The following NAV2 variants were observed in gnomAD, a reference collection of about 807,000 sequenced individuals.
The protein encoded by NAV2 is neuron navigator 2.
A neutral mutation model predicts 223.2 loss-of-function variants in NAV2; 54 were observed. The observed-to-expected ratio is 0.24, with a 90% confidence interval of 0.19 to 0.30. The LOEUF is 0.30. NAV2 is among the 10% of genes least tolerant of loss of function. NAV2 has a pLI of 1.00. For missense variants in NAV2, 2,806 were observed against 3,147.5 expected (o/e 0.89, Z 2.60); for synonymous variants, 1,279 against 1,239.3 (o/e 1.03, Z -0.67).
chr11:20,054,064 A>T lies in NAV2; in HGVS notation c.4482-16A>T. 1 of 1,611,168 alleles carries T rather than the reference A, an allele frequency of 6.2e-7. No homozygotes were observed. The highest frequency in any genetic ancestry group is 8.5e-7 in the Non-Finnish European group (1 of 1,179,376). ...ATTGTTCATAGTTAATTCCGGCTTGATTTCTGTCTGTCCAGGTATACTCCC... is the reference window on the plus strand; with the variant it reads ...ATTGTTCATAGTTAATTCCGGCTTGTTTTCTGTCTGTCCAGGTATACTCCC... On this transcript the variant is annotated splice_polypyrimidine_tract_variant and intron_variant, in intron 17 of 37. Transcript: ENST00000349880.
rs554764088 is a variant in NAV2 at position 19,846,758 on chromosome 11, C to T, written c.438+3835C>T. Among the ~76,000 whole-genome samples the T allele has an allele frequency of 3.9e-5, 6 of 152,314 alleles. No homozygotes were observed. The East Asian group carries it at 1.2e-3, about 29-fold the overall frequency. ...ATGCTTTTCCATCAGCATTTGTAAC[C>T]CTCAGTGCCGCCCTCCTCTTGGCCC... On this transcript the variant is annotated intron_variant, in intron 3 of 37. Transcript: ENST00000349880.
rs755952166 is a variant in NAV2 at position 20,035,986 on chromosome 11, C to T, written c.2796C>T (p.Ser932=). The change falls in exon 12 of 38, where the codon AGC becomes AGT. Residue 932 remains serine, a synonymous_variant. Transcript: ENST00000349880. ...GGGACGACAGCAGCTCCGTCAGCAG[C>T]GGCATCAGCGACACCATAGACAACC... is the stretch of plus-strand genomic sequence containing the variant. ...DSWDDSSSVS[S]GISDTIDNLS... 15 of 1,614,160 alleles carry T rather than the reference C, an allele frequency of 9.3e-6. No individual in the cohort carries two copies. The highest frequency in any genetic ancestry group is 6.7e-5 in the East Asian group (3 of 44,876).
chr11:19,405,923 A>T (rs1163398525), intron 1 of NAV2, among the ~76,000 whole-genome samples: 1 of 152,212 alleles, frequency 6.6e-6, no homozygotes, highest in Non-Finnish European at 1.5e-5. Flanking sequence ...ATCGCCCATA[A>T]TTATCTTGGT....
rs2054079319 is a variant in NAV2 at position 20,017,115 on chromosome 11, G to A, written c.2769-18844G>A. On this transcript the variant is annotated intron_variant, in intron 11 of 37. Coordinates refer to ENST00000349880, the MANE Select transcript of NAV2 (RefSeq NM_145117.5). ...TTCCCAGAAAAGAATAGAGGAAGTG[G>A]AAAAGGAATGGGGGAGATGCAGAGG... Among the ~76,000 whole-genome samples the A allele has an allele frequency of 7.9e-5, 12 of 152,282 alleles. No individual in the cohort carries two copies. In the South Asian group the frequency reaches 2.5e-3, roughly 32 times the overall value.
At chr11:19,423,601 T>C (rs1329901862) in intron 1 of NAV2, among the ~76,000 whole-genome samples, 2 of 152,230 alleles carry the variant, frequency 1.3e-5, no homozygotes, top group African/African-American at 2.4e-5. Context: ...TGTTATTTCA[T>C]TGAGCTCTTG....
At chr11:19,937,351 T>TA (rs1555157785) in intron 7 of NAV2, among the ~76,000 whole-genome samples, 2 of 145,526 alleles carry the variant, frequency 1.4e-5, no homozygotes, top group African/African-American at 2.6e-5. Context: ...TTATAATTGC[T>TA]CCCCCCCCGC....
rs146885625 is a variant in NAV2 at position 19,986,391 on chromosome 11, G to A, written c.2768+2144G>A. On this transcript the variant is annotated intron_variant, in intron 11 of 37. Coordinates refer to ENST00000349880, the MANE Select transcript of NAV2 (RefSeq NM_145117.5). ...TCTCAGCACTTTGGGAGGCCAAGGC[G>A]GGCAGATCACCTGAGGTCAGGAGTT... Among the ~76,000 whole-genome samples the A allele has an allele frequency of 4.5e-3, 681 of 152,250 alleles. 3 individuals are homozygous for A. Among genetic ancestry groups the A allele is most frequent in the Middle Eastern group, 0.02 (6 of 294 alleles).
In NAV2 at chr11:19,686,546, T is replaced by A. The variant is rs557834435; in HGVS notation, c.76-145938T>A. Among the ~76,000 whole-genome samples, 22 of 152,330 alleles carry A rather than the reference T, an allele frequency of 1.4e-4. 2 individuals carry two copies. The South Asian group carries it at 4.6e-3, about 32-fold the overall frequency. ...ATTCACCTTATCAGATGAATGACAC[T>A]GCATTCATCACAGTCTCCTCTCACT... On this transcript the variant is annotated intron_variant, in intron 1 of 37. Transcript: ENST00000360655.
chr11:19,770,528 A>C, intron 1 of NAV2, among the ~76,000 whole-genome samples: 1 of 152,160 alleles, frequency 6.6e-6, no homozygotes, highest in East Asian at 1.9e-4. Context: ...AGGAGTCCTC[A>C]GGCCCCGGAT....
intron 31 of NAV2, among the ~76,000 whole-genome samples, chr11:20,100,235 A>G (rs2061535752): frequency 6.6e-6 from 1 of 152,204 alleles, no homozygotes; most frequent in Admixed American, 6.5e-5. Flanking sequence ...AACCCTGATT[A>G]ATGACATTGT....
At chr11:19,668,487 C>A (rs2048486470) in intron 1 of NAV2, among the ~76,000 whole-genome samples, 1 of 131,324 alleles carries the variant, frequency 7.6e-6, no homozygotes, top group South Asian at 2.7e-4. Flanking sequence ...GAGCCGAATT[C>A]ATGCCATTGC....
rs78903047 is a variant in NAV2 at position 19,649,558 on chromosome 11, C to T, written c.76-182926C>T. Reference sequence around the variant, plus strand: ...CTGTCTTGTCATTGTATTCTCACAGCGAGAGTGGAGGGGTCTCTCTGGGGC... The same window carrying T: ...CTGTCTTGTCATTGTATTCTCACAGTGAGAGTGGAGGGGTCTCTCTGGGGC... On this transcript the variant is annotated intron_variant, in intron 1 of 37. Transcript: ENST00000360655. 4.1e-3 allele frequency among the ~76,000 whole-genome samples: 627 copies of T among 152,248 alleles called. 4 individuals carry two copies. The highest frequency in any genetic ancestry group is 6.3e-3 in the Non-Finnish European group (431 of 68,020).
intron 36 of NAV2, chr11:20,114,268 C>T: frequency 5.4e-6 from 2 of 372,696 alleles, no homozygotes; most frequent in Non-Finnish European, 9.9e-6. Flanking sequence ...ATTGTTTTTC[C>T]CCAAAAGCCA....
intron 6 of NAV2, among the ~76,000 whole-genome samples, chr11:19,919,132 CT>C (rs2044056851): frequency 6.6e-6 from 1 of 152,112 alleles, no homozygotes; most frequent in South Asian, 2.1e-4. Flanking sequence ...GGCCAAATAA[CT>C]TTGAGCCCAG....
chr11:19,597,777 G>A (rs553971549), intron 1 of NAV2, among the ~76,000 whole-genome samples: 1 of 152,348 alleles, frequency 6.6e-6, no homozygotes, highest in South Asian at 2.1e-4. Flanking sequence ...GAAGGAGGTG[G>A]GGAGGATCGG....
intron 1 of NAV2, among the ~76,000 whole-genome samples, chr11:19,568,740 C>G (rs1365008275): frequency 6.6e-6 from 1 of 152,204 alleles, no homozygotes; most frequent in African/African-American, 2.4e-5. Flanking sequence ...AAGGCTGAGC[C>G]AGGTCTCAGA....
intron 1 of NAV2, among the ~76,000 whole-genome samples, chr11:19,473,140 GGCCAGA>G (rs1163757938): frequency 6.6e-6 from 1 of 152,154 alleles, no homozygotes; most frequent in African/African-American, 2.4e-5. Context: ...GTTTTCTGGT[GGCCAGA>G]GCCAACTGAA....
chr11:20,036,230 G>A (rs747292011), intron 12 of NAV2, 133 bp downstream of exon 12: 107 of 1,026,176 alleles, frequency 1.0e-4, no homozygotes, highest in African/African-American at 2.2e-4. Context: ...GCCTCCTGCC[G>A]CCTCTGCTCT....
chr11:19,460,231 A>C (rs759236353), intron 1 of NAV2, among the ~76,000 whole-genome samples: 14 of 152,178 alleles, frequency 9.2e-5, no homozygotes, highest in Non-Finnish European at 1.6e-4. Flanking sequence ...ATTCCACTGA[A>C]GAGTTTGAGG....
Sources: allele counts gnomAD v4.1 joint callset (sites outside exome capture counted in the v4.1 genomes callset), GRCh38; gene constraint gnomAD v4.1.1; transcripts MANE v1.5; gene names NCBI Gene and HGNC (gene_info 2026-07-23, HGNC 2026-07-21).